The following NSUN2 variants were observed in gnomAD, a reference collection of about 807,000 sequenced individuals.
NSUN2 encodes the protein NOP2/Sun RNA methyltransferase 2, also known as RNA cytosine C(5)-methyltransferase NSUN2.
In NSUN2, 63 loss-of-function variants were observed where a neutral mutation model predicts 92.7. The ratio of observed to expected loss-of-function variants is 0.68; its 90% CI spans 0.56 to 0.84. NSUN2 has a LOEUF of 0.84. Among genes scored for constraint, NSUN2 ranks in the 40% least tolerant of loss-of-function variants. The pLI is 0.00. For synonymous variants in NSUN2, 356 were observed against 348.3 expected (o/e 1.02, Z -0.25); for missense variants, 989 against 964.9 (o/e 1.02, Z -0.33).
intron 18 of NSUN2, 76 bp from the exon 19 acceptor site, chr5:6,600,308 G>C: frequency 7.4e-7 from 1 of 1,347,410 alleles, no homozygotes; most frequent in African/African-American, 1.5e-5. Flanking sequence ...ATATGCAACT[G>C]CTTAAAAAAG....
rs139665537 is a variant in NSUN2, at chr5:6,602,611, C to A, written c.1958-111G>T. 9 of 1,000,458 alleles carry A rather than the reference C, an allele frequency of 9.0e-6. No individual in the cohort carries two copies. The African/African-American group carries it at 9.5e-5, about 11-fold the overall frequency. The allele number at this position is 1,000,458 out of a possible 1,614,324, so 62.0% of individuals were successfully genotyped here. On this transcript the variant is annotated intron_variant, in intron 17 of 18. Coordinates refer to ENST00000264670, the MANE Select transcript of NSUN2 (RefSeq NM_017755.6). The stretch of plus-strand genomic sequence containing the variant: ...TAAGTATTCTGAAGAAAGAAAACAA[C>A]AAATAATCTACATTCTTGGCTTCAA...
intron 10 of NSUN2, 46 bp downstream of exon 10, chr5:6,611,679 A>ATGC (rs760204499): frequency 3.9e-5 from 60 of 1,519,530 alleles, no homozygotes; most frequent in Non-Finnish European, 5.4e-5. Flanking sequence ...TACTTCAGTG[A>ATGC]TGCTGCACCT....
At chr5:6,611,143 CA>C (rs1206718346) in intron 10 of NSUN2, 58 bp from the exon 11 acceptor site, 2 of 1,594,330 alleles carry the variant, frequency 1.3e-6, no homozygotes, top group Non-Finnish European at 1.7e-6. Flanking sequence ...CAACAAAAAT[CA>C]CAGGGCAGGA....
In NSUN2 at chr5:6,633,022, C is replaced by A; in HGVS notation, c.-43G>T. ...ACGCAGCACGCAGAAACCGGCCCGCCACGGCCAGAACTCTAGCCCTACACC... is the reference window on the plus strand; with the variant it reads ...ACGCAGCACGCAGAAACCGGCCCGCAACGGCCAGAACTCTAGCCCTACACC... On this transcript the variant is annotated 5_prime_UTR_variant, in exon 1 of 19. Transcript: ENST00000264670. 1 of 1,412,420 alleles carries A rather than the reference C, an allele frequency of 7.1e-7. No homozygotes were observed. The highest frequency in any genetic ancestry group is 9.1e-7 in the Non-Finnish European group (1 of 1,093,302). 87.5% of individuals were successfully genotyped at this position (1,412,420 alleles called of 1,614,324 possible).
chr5:6,602,085 T>A (rs1265344776), intron 18 of NSUN2, among the ~76,000 whole-genome samples: 1 of 152,136 alleles, frequency 6.6e-6, no homozygotes, highest in African/African-American at 2.4e-5. Flanking sequence ...CAGTAACATG[T>A]CAGCAACACA....
intron 16 of NSUN2, among the ~76,000 whole-genome samples, 160 bp from the exon 17 acceptor site, chr5:6,604,436 G>T (rs1049265239): frequency 6.6e-6 from 1 of 152,124 alleles, no homozygotes; most frequent in Admixed American, 6.5e-5. Flanking sequence ...CCCTAGGAGG[G>T]GAAACCAGCA....
At position 6,610,933 on chromosome 5, in the gene NSUN2, C is replaced by T. The variant is rs747047801; in HGVS notation, c.1226+22G>A. On this transcript the variant is annotated intron_variant, in intron 11 of 18. Transcript: ENST00000264670. ...GGCTTAACCTTCCCCCCTCCCCACA[C>T]CTGGAGGCCCCACCAGCTCACCATC... The T allele has an allele frequency of 1.9e-6, 3 of 1,613,494 alleles. No individual in the cohort carries two copies. The African/African-American group carries it at 4.0e-5, about 22-fold the overall frequency.
chr5:6,621,188 C>T (rs1440581011), intron 6 of NSUN2: 1 of 152,178 alleles, frequency 6.6e-6, no homozygotes, highest in African/African-American at 2.4e-5. Context: ...TAACAGCTAA[C>T]ATTTCCTGAG....
intron 7 of NSUN2, among the ~76,000 whole-genome samples, chr5:6,619,528 TACTC>T (rs1332786720): frequency 6.6e-6 from 1 of 152,256 alleles, no homozygotes; most frequent in Non-Finnish European, 1.5e-5. Flanking sequence ...AAAAACTTGT[TACTC>T]AGTTATACCA....
At chr5:6,630,500 T>A (rs187167510) in intron 3 of NSUN2, among the ~76,000 whole-genome samples, 1 of 152,292 alleles carries the variant, frequency 6.6e-6, no homozygotes, top group African/African-American at 2.4e-5. Context: ...GAGATAGGGT[T>A]TCACGATGTT....
chr5:6,616,027 C>A (rs1049990376), intron 9 of NSUN2, among the ~76,000 whole-genome samples: 4 of 152,164 alleles, frequency 2.6e-5, no homozygotes, highest in Non-Finnish European at 5.9e-5. Context: ...GAAATTGGAA[C>A]CCTTGTGCAC....
intron 3 of NSUN2, among the ~76,000 whole-genome samples, chr5:6,630,900 T>C (rs1464882571): frequency 2.0e-5 from 3 of 152,126 alleles, no homozygotes; most frequent in Non-Finnish European, 4.4e-5. Context: ...GAGACCATCC[T>C]GGCTAGCAAG....
intron 18 of NSUN2, among the ~76,000 whole-genome samples, chr5:6,601,649 C>T (rs1736563048): frequency 6.6e-6 from 1 of 152,124 alleles, no homozygotes; most frequent in African/African-American, 2.4e-5. Context: ...CCCCAGCTTG[C>T]ACCTGCCTCA....
chr5:6,605,700 CTT>C (rs879418991), intron 14 of NSUN2, among the ~76,000 whole-genome samples: 8 of 144,860 alleles, frequency 5.5e-5, no homozygotes, highest in Admixed American at 6.9e-5. Context: ...ACTTTTGAGA[CTT>C]TTTTTTTTTT....
chr5:6,631,372 T>C (rs1737884830), intron 3 of NSUN2, among the ~76,000 whole-genome samples: 1 of 152,186 alleles, frequency 6.6e-6, no homozygotes, highest in Admixed American at 6.5e-5. Context: ...CCCAGAGTAG[T>C]AGCACGCTTG....
chr5:6,620,773 A>C (rs1019557876), intron 6 of NSUN2: 1 of 152,768 alleles, frequency 6.5e-6, no homozygotes, highest in Non-Finnish European at 1.5e-5. Flanking sequence ...TGGGAAGTCT[A>C]CTGGGTGTAC....
chr5:6,622,675 C>T (rs1737494117), intron 5 of NSUN2, among the ~76,000 whole-genome samples: 1 of 152,058 alleles, frequency 6.6e-6, no homozygotes, highest in African/African-American at 2.4e-5. Context: ...TGGAGAAACC[C>T]CGTCTCTACT....
At chr5:6,619,715 G>T (rs1330725158) in intron 7 of NSUN2, among the ~76,000 whole-genome samples, 1 of 152,158 alleles carries the variant, frequency 6.6e-6, no homozygotes, top group Admixed American at 6.5e-5. Flanking sequence ...TTATGACAAA[G>T]TTTTTTATAT....
At position 6,599,965 on chromosome 5, in the gene NSUN2, T is replaced by C. The variant is rs200134474; in HGVS notation, c.2265A>G (p.Thr755=). 8.9e-5 allele frequency: 144 copies of C among 1,614,148 alleles called. 1 individual carries two copies. In the East Asian group the frequency reaches 3.1e-3, roughly 35 times the overall value. Residue 755 remains threonine, a synonymous_variant, in exon 19 of 19, where the codon ACA becomes ACG. Transcript: ENST00000264670. ...GGACCCCCGCCGGGTCACAGCCTGC[T>C]GTCACGTCTGGACTGTTGGCCTCTT... ...DAEEANSPDV[T]AGCDPAGVHP...
Sources: allele counts gnomAD v4.1 joint callset (sites outside exome capture counted in the v4.1 genomes callset), GRCh38; gene constraint gnomAD v4.1.1; transcripts MANE v1.5; gene names NCBI Gene and HGNC (gene_info 2026-07-23, HGNC 2026-07-21).